CD2AP: variants seen among roughly 807,000 people sequenced by gnomAD.
CD2AP encodes the protein CD2-associated protein.
A neutral mutation model predicts 85.1 loss-of-function variants in CD2AP; 46 were observed. The ratio of observed to expected loss-of-function variants is 0.54; its 90% CI spans 0.43 to 0.69. CD2AP has a LOEUF of 0.69. Among genes scored for constraint, CD2AP ranks in the 30% least tolerant of loss-of-function variants. The pLI is 0.00. For synonymous variants in CD2AP, 255 were observed against 252.9 expected (o/e 1.01, Z -0.08); for missense variants, 769 against 729.5 (o/e 1.05, Z -0.62).
At position 47,596,161 on chromosome 6, in the gene CD2AP, C is replaced by T. The variant is rs913455101; in HGVS notation, c.1274+135C>T. The T allele has an allele frequency of 8.7e-6, 6 of 692,430 alleles. No homozygotes were observed. The Admixed American group carries it at 9.7e-5, about 11-fold the overall frequency. The allele number at this position is 692,430 out of a possible 1,614,324, so 42.9% of individuals were successfully genotyped here. A position where few individuals can be genotyped will look rare whatever the true frequency, so the allele number is the denominator to read the frequency against. On this transcript the variant is annotated intron_variant, in intron 12 of 17. Transcript: ENST00000359314. ...TATTTATTTTTAAAATTGACATATA[C>T]AATTGTGTGTATTTATTGTATACAA...
At chr6:47,599,270 G>T (rs769516289) in intron 12 of CD2AP, 31 bp from the exon 13 acceptor site, 2 of 1,601,794 alleles carry the variant, frequency 1.2e-6, no homozygotes, top group South Asian at 2.2e-5. Flanking sequence ...TTTCATACTA[G>T]TGATTTTTGC....
intron 13 of CD2AP, among the ~76,000 whole-genome samples, chr6:47,603,590 A>G (rs1195475940): frequency 6.6e-6 from 1 of 152,128 alleles, no homozygotes; most frequent in African/African-American, 2.4e-5. Context: ...GAATAAACCT[A>G]AAACCTAATA....
intron 14 of CD2AP, 110 bp from the exon 15 acceptor site, chr6:47,607,817 A>G: frequency 1.4e-6 from 1 of 702,878 alleles, no homozygotes; most frequent in Non-Finnish European, 2.5e-6. Context: ...GATATCAGCA[A>G]CAGTAGCAGC....
chr6:47,508,258 T>G lies in CD2AP; in HGVS notation c.165+4818T>G, dbSNP rs1368196538. On this transcript the variant is annotated intron_variant, in intron 2 of 17. Coordinates refer to ENST00000359314, the MANE Select transcript of CD2AP (RefSeq NM_012120.3). ...GAAAATCTGTTTAGCATAGCCATCTTCATCAGTGATCTTAGCTAGATCTTC... is the reference window on the plus strand; with the variant it reads ...GAAAATCTGTTTAGCATAGCCATCTGCATCAGTGATCTTAGCTAGATCTTC... Among the ~76,000 whole-genome samples, 3 of 152,244 alleles carry G rather than the reference T, an allele frequency of 2.0e-5. No homozygotes were observed. In the South Asian group the frequency reaches 6.2e-4, roughly 32 times the overall value.
chr6:47,574,967 C>T (rs151277283), intron 6 of CD2AP, among the ~76,000 whole-genome samples: 131 of 152,230 alleles, frequency 8.6e-4, no homozygotes, highest in African/African-American at 2.9e-3. Flanking sequence ...TTATTTGATT[C>T]GTGTAGCTAC....
At chr6:47,520,791 C>CT (rs1259963297) in intron 2 of CD2AP, among the ~76,000 whole-genome samples, 2 of 122,054 alleles carry the variant, frequency 1.6e-5, no homozygotes, top group Admixed American at 1.1e-4. Flanking sequence ...TGGTTATTGT[C>CT]TAAGAGCTCT....
In CD2AP at chr6:47,624,205, A is replaced by G. The variant is rs116754410; in HGVS notation, c.1898A>G (p.Lys633Arg). 2,334 of 1,612,410 alleles carry G rather than the reference A, an allele frequency of 1.4e-3. 29 individuals are homozygous for G. In the African/African-American group the frequency reaches 0.028, roughly 19 times the overall value. ...TTTTAGATGGAAATAGAGAAGCTGA[A>G]AAAAGCTGTCCTGTCTTCTTGAGTG... The part of the protein sequence containing the change: ...SNLEMEIEKL[K>R]KAVLSS Residue 633 changes from lysine (K) to arginine (R), a missense_variant, in exon 18 of 18, where the codon AAA (lysine) becomes AGA (arginine). By Grantham distance (26) the Lys-to-Arg change is conservative (BLOSUM62 2). Transcript: ENST00000359314.
intron 14 of CD2AP, 60 bp from the exon 15 acceptor site, chr6:47,607,866 AC>A: frequency 9.0e-7 from 1 of 1,113,230 alleles, no homozygotes; most frequent in Non-Finnish European, 1.3e-6. Context: ...TTATCCAAAG[AC>A]TTACTACCTT....
At chr6:47,564,996 T>A (rs1337155734) in intron 5 of CD2AP, among the ~76,000 whole-genome samples, 1 of 152,086 alleles carries the variant, frequency 6.6e-6, no homozygotes, top group Non-Finnish European at 1.5e-5. Context: ...CATCCTCTCT[T>A]ATGTAGTAAT....
chr6:47,607,391 A>G (rs887511291), intron 14 of CD2AP, among the ~76,000 whole-genome samples: 2 of 152,044 alleles, frequency 1.3e-5, no homozygotes, highest in Non-Finnish European at 2.9e-5. Context: ...TTTTCTCCAT[A>G]ATGATTGTAC....
At chr6:47,513,040 TGTTA>T (rs1766360744) in intron 2 of CD2AP, among the ~76,000 whole-genome samples, 1 of 152,148 alleles carries the variant, frequency 6.6e-6, no homozygotes, top group African/African-American at 2.4e-5. Flanking sequence ...TGAGAAAGTG[TGTTA>T]GTTTATTTTC....
intron 13 of CD2AP, among the ~76,000 whole-genome samples, chr6:47,605,778 G>A (rs958350955): frequency 1.3e-5 from 2 of 151,848 alleles, no homozygotes; most frequent in South Asian, 4.1e-4. Flanking sequence ...CTGATTTTCC[G>A]AGATCTTTTA....
At chr6:47,481,350 G>T (rs1463783913) in intron 1 of CD2AP, among the ~76,000 whole-genome samples, 6 of 151,946 alleles carry the variant, frequency 3.9e-5, no homozygotes, top group African/African-American at 1.5e-4. Flanking sequence ...TTTTTTGTTT[G>T]TTTGTTTGTT....
chr6:47,599,419 A>C lies in CD2AP; in HGVS notation c.1393A>C (p.Thr465Pro), dbSNP rs771937457. The C allele has an allele frequency of 6.2e-7, 1 of 1,612,400 alleles. No individual in the cohort carries two copies. Among genetic ancestry groups the C allele is most frequent in the South Asian group, 1.1e-5 (1 of 91,042 alleles). ...AAAATCAGTAGACTTTGATTCACTT[A>C]CAGTAAGGACCTCCAAAGAAACAGG... ...RPKSVDFDSL[T>P]VRTSKETDVV... is the part of the protein sequence containing the mutation. The change falls in exon 13 of 18, where the codon ACA (threonine) becomes CCA (proline). Residue 465 changes from threonine (T) to proline (P), a missense_variant. Coordinates refer to ENST00000359314, the MANE Select transcript of CD2AP (RefSeq NM_012120.3).
intron 1 of CD2AP, among the ~76,000 whole-genome samples, chr6:47,481,328 A>G (rs1478198090): frequency 6.6e-6 from 1 of 152,032 alleles, no homozygotes; most frequent in African/African-American, 2.4e-5. Context: ...CATATCAGTC[A>G]TGTGGTGGTG....
intron 2 of CD2AP, among the ~76,000 whole-genome samples, chr6:47,515,136 G>A (rs376321472): frequency 2.7e-4 from 41 of 152,142 alleles, no homozygotes; most frequent in African/African-American, 9.9e-4. Context: ...TCTGGCAAAG[G>A]TATTAGATAA....
At chr6:47,478,383 C>T (rs2113951774) in intron 1 of CD2AP, 135 bp downstream of exon 1, 1 of 1,017,392 alleles carries the variant, frequency 9.8e-7, no homozygotes, top group East Asian at 2.6e-5. Context: ...CCATTCTCCC[C>T]ACCGCCCCTT....
intron 4 of CD2AP, among the ~76,000 whole-genome samples, chr6:47,552,540 T>A (rs1423308678): frequency 6.6e-6 from 1 of 152,156 alleles, no homozygotes. Context: ...CCACATATTT[T>A]TAAATTCACT....
chr6:47,568,667 C>A (rs995476612), intron 5 of CD2AP, among the ~76,000 whole-genome samples: 3 of 152,144 alleles, frequency 2.0e-5, no homozygotes, highest in Non-Finnish European at 2.9e-5. Flanking sequence ...TCGCTTGAAC[C>A]TGGGAGGCGG....
Sources: allele counts gnomAD v4.1 joint callset (sites outside exome capture counted in the v4.1 genomes callset), GRCh38; gene constraint gnomAD v4.1.1; transcripts MANE v1.5; gene names NCBI Gene and HGNC (gene_info 2026-07-23, HGNC 2026-07-21).